Variants in SAMD11 observed in about 807,000 individuals in gnomAD.
The protein encoded by SAMD11 is sterile alpha motif domain containing 11.
Under a neutral mutation model 64.4 loss-of-function variants are expected in SAMD11, and 77 were observed. That is an observed-to-expected ratio of 1.20 (90% CI 0.99 to 1.44). The LOEUF is 1.44. Among genes scored for constraint, SAMD11 ranks in the 40% most tolerant of loss-of-function variants. The pLI, the probability that SAMD11 is intolerant of heterozygous loss-of-function variation, is 0.00. For synonymous variants in SAMD11, 658 were observed against 421.9 expected, an observed-to-expected ratio of 1.56 and a Z score of -6.86; for missense variants, 1,402 against 943.3, an observed-to-expected ratio of 1.49 and a Z score of -6.37.
rs914148908 is a variant in SAMD11 at position 944,292 on chromosome 1, G to A, written c.*139G>A. On this transcript the variant is annotated 3_prime_UTR_variant, in exon 14 of 14. Transcript: ENST00000616016. ...TTTAAAAGAAAATGTGACTTCAAAGGAAAGGAACAAATTTTCAAAGACTTG... is the reference window on the plus strand; with the variant it reads ...TTTAAAAGAAAATGTGACTTCAAAGAAAAGGAACAAATTTTCAAAGACTTG... 2.5e-5 allele frequency: 36 copies of A among 1,417,022 alleles called. No individual in the cohort carries two copies. The Admixed American group carries it at 6.3e-4, about 25-fold the overall frequency. 87.8% of individuals were successfully genotyped at this position (1,417,022 alleles called of 1,614,324 possible). A position where few individuals can be genotyped will look rare whatever the true frequency, so the allele number is the denominator to read the frequency against.
At position 943,071 on chromosome 1, in the gene SAMD11, A is replaced by G. The variant is rs1365735023; in HGVS notation, c.2053+13A>G. On this transcript the variant is annotated intron_variant, in intron 11 of 13. Transcript: ENST00000616016. ...TACTTCCACACAGGTGGGCACCCCC[A>G]CACTCTAGATCCTTCCAGAGGGCAC... The G allele has an allele frequency of 2.6e-6, 4 of 1,536,994 alleles. No individual in the cohort carries two copies. Among genetic ancestry groups the G allele is most frequent in the Non-Finnish European group, 3.5e-6 (4 of 1,142,580 alleles).
At chr1:937,288 G>C (rs936952195) in intron 5 of SAMD11, among the ~76,000 whole-genome samples, 1 of 152,100 alleles carries the variant, frequency 6.6e-6, no homozygotes, top group Admixed American at 6.5e-5. Flanking sequence ...GAGGGACTCA[G>C]AGCAGGTCCT....
At chr1:939,250 T>G in intron 6 of SAMD11, 25 bp from the exon 7 acceptor site, 2 of 1,573,258 alleles carry the variant, frequency 1.3e-6, no homozygotes, top group Non-Finnish European at 1.7e-6. Flanking sequence ...TGGAGAAACC[T>G]CTCACCCCGG....
In SAMD11 at chr1:934,049, G is replaced by C. The variant is rs372275613; in HGVS notation, c.843-1723G>C. ...TTACAGGTGGGCAGGGGAGGCGGCT[G>C]CGTTACAGGTGGGCAGGGGAGGCGG... On this transcript the variant is annotated intron_variant, in intron 4 of 13. Transcript: ENST00000616016. Among the ~76,000 whole-genome samples the C allele has an allele frequency of 2.4e-3, 145 of 61,536 alleles. 25 individuals are homozygous for C. The highest frequency in any genetic ancestry group is 0.016 in the African/African-American group (116 of 7,234). The allele number at this position is 61,536 out of a possible 152,430, so 40.4% of individuals were successfully genotyped here. A position where few individuals can be genotyped will look rare whatever the true frequency, so the allele number is the denominator to read the frequency against.
At position 942,599 on chromosome 1, in the gene SAMD11, G is replaced by C. The variant is rs2100358995; in HGVS notation, c.1594G>C (p.Glu532Gln). 1 of 1,435,910 alleles carries C rather than the reference G, an allele frequency of 7.0e-7. No homozygotes were observed. Among genetic ancestry groups the C allele is most frequent in the Admixed American group, 2.9e-5 (1 of 34,310 alleles). 88.9% of individuals were successfully genotyped at this position (1,435,910 alleles called of 1,614,324 possible). Reference protein sequence around the residue: ...PADLLRQKELESARPQLLAPE... With the variant: ...PADLLRQKELQSARPQLLAPE... The stretch of plus-strand genomic sequence containing the variant: ...CGACCTCCTGCGGCAGAAGGAGCTG[G>C]AGAGCGCGCGCCCACAGCTGCTGGC... Residue 532 changes from glutamate (E) to glutamine (Q), a missense_variant, in exon 11 of 14, where the codon GAG becomes CAG. By Grantham distance (29) the Glu-to-Gln change is conservative (BLOSUM62 2). Coordinates refer to ENST00000616016, the MANE Select transcript of SAMD11 (RefSeq NM_001385641.1).
intron 5 of SAMD11, among the ~76,000 whole-genome samples, chr1:938,506 A>AT (rs2100340722): frequency 6.6e-6 from 1 of 152,200 alleles, no homozygotes; most frequent in Non-Finnish European, 1.5e-5. Flanking sequence ...AGGGATGGGT[A>AT]TGACCAAGTA....
At chr1:937,848 T>C (rs1022616024) in intron 5 of SAMD11, among the ~76,000 whole-genome samples, 1 of 152,238 alleles carries the variant, frequency 6.6e-6, no homozygotes. Context: ...TCAGCTGTAA[T>C]GTGGGATTGA....
intron 4 of SAMD11, among the ~76,000 whole-genome samples, chr1:932,739 C>T (rs1416177487): frequency 1.3e-5 from 2 of 152,380 alleles, no homozygotes; most frequent in Non-Finnish European, 1.5e-5. Flanking sequence ...GTCCGTCTGT[C>T]CTTCCATCCC....
chr1:937,357 C>T (rs1641509888), intron 5 of SAMD11, among the ~76,000 whole-genome samples: 1 of 151,948 alleles, frequency 6.6e-6, no homozygotes, highest in Non-Finnish European at 1.5e-5. Flanking sequence ...ATGGCCTCAT[C>T]GGCCTTCCTG....
chr1:929,171 C>G (rs867443357), intron 2 of SAMD11, among the ~76,000 whole-genome samples: 2 of 152,348 alleles, frequency 1.3e-5, no homozygotes, highest in Middle Eastern at 6.8e-3. Context: ...GCTGGGCCGG[C>G]GCTGGTGTGC....
In SAMD11 at chr1:930,214, G is replaced by A; in HGVS notation, c.669G>A (p.Lys223=). Reference sequence around the variant, plus strand: ...CCCTGCCTGCCGCCCGGAACCTGAAGAAGGAGCGAACTCCCAGCTTCTCTG... The same window carrying A: ...CCCTGCCTGCCGCCCGGAACCTGAAAAAGGAGCGAACTCCCAGCTTCTCTG... ...TVALPAARNL[K]KERTPSFSAS... is the part of the protein sequence containing the mutation. The change falls in exon 3 of 14, where the codon AAG becomes AAA. Residue 223 remains lysine (K), a synonymous_variant. Transcript: ENST00000616016. 3 of 1,582,506 alleles carry A rather than the reference G, an allele frequency of 1.9e-6. No homozygotes were observed. Among genetic ancestry groups the A allele is most frequent in the East Asian group, 2.3e-5 (1 of 43,338 alleles).
At chr1:936,223 G>A (rs931121346) in intron 5 of SAMD11, among the ~76,000 whole-genome samples, 1 of 152,158 alleles carries the variant, frequency 6.6e-6, no homozygotes, top group Admixed American at 6.5e-5. Context: ...CTCCCGCAGC[G>A]CACGCATGAC....
At chr1:926,647 G>T (rs150020922) in intron 2 of SAMD11, among the ~76,000 whole-genome samples, 52 of 152,322 alleles carry the variant, frequency 3.4e-4, no homozygotes, top group African/African-American at 1.2e-3. Flanking sequence ...CCCTCACTGA[G>T]GGAGCAGGCA....
intron 2 of SAMD11, among the ~76,000 whole-genome samples, chr1:926,805 A>C (rs1411454230): frequency 6.6e-6 from 1 of 152,122 alleles, no homozygotes; most frequent in African/African-American, 2.4e-5. Context: ...GTTTGGAGCC[A>C]ATTAGGGCCA....
At chr1:936,084 G>A (rs533570871) in intron 5 of SAMD11, among the ~76,000 whole-genome samples, 188 bp downstream of exon 5, 4 of 152,344 alleles carry the variant, frequency 2.6e-5, no homozygotes, top group Non-Finnish European at 4.4e-5. Context: ...AGGCAGAGGC[G>A]GTGGCTCCGC....
intron 2 of SAMD11, among the ~76,000 whole-genome samples, chr1:928,315 C>A (rs1226785168): frequency 4.6e-5 from 7 of 152,198 alleles, no homozygotes; most frequent in Non-Finnish European, 1.0e-4. Context: ...TGGCATGAAC[C>A]CGGGAGGCGG....
At chr1:937,496 T>C (rs565830511) in intron 5 of SAMD11, among the ~76,000 whole-genome samples, 1 of 149,550 alleles carries the variant, frequency 6.7e-6, no homozygotes, top group East Asian at 2.0e-4. Flanking sequence ...GGAAAAGTGA[T>C]TGCCAGGAGG....
At position 924,103 on chromosome 1, in the gene SAMD11, C is replaced by A. The variant is rs1001416493; in HGVS notation, c.-329C>A. The stretch of plus-strand genomic sequence containing the variant: ...GGTCGGCGAGCCGGGCGTGGGACTG[C>A]CCCGGGCGCGGGCGCTGGTGGCCGG... On this transcript the variant is annotated 5_prime_UTR_variant, in exon 1 of 14. Coordinates refer to ENST00000616016, the MANE Select transcript of SAMD11 (RefSeq NM_001385641.1). 1 of 149,666 alleles carries A rather than the reference C, an allele frequency of 6.7e-6. No homozygotes were observed. The highest frequency in any genetic ancestry group is 1.5e-5 in the Non-Finnish European group (1 of 67,050). The allele number at this position is 149,666 out of a possible 1,614,324, so 9.3% of individuals were successfully genotyped here. A position where few individuals can be genotyped will look rare whatever the true frequency, so the allele number is the denominator to read the frequency against.
rs149846233 is a variant in SAMD11, at chr1:943,991, G to T, written c.2373G>T (p.Pro791=). 4 of 1,612,722 alleles carry T rather than the reference G, an allele frequency of 2.5e-6. No homozygotes were observed. Among genetic ancestry groups the T allele is most frequent in the Non-Finnish European group, 3.4e-6 (4 of 1,179,990 alleles). The change falls in exon 14 of 14, where the codon CCG becomes CCT. Residue 791 remains proline (P), a synonymous_variant. Coordinates refer to ENST00000616016, the MANE Select transcript of SAMD11 (RefSeq NM_001385641.1). ...LPLQPPTLRA[P]ERELGTGEQP... is the part of the protein sequence containing the mutation. ...TGCAGCCACCAACCCTGCGGGCCCC[G>T]GAGCGAGAACTCGGCACAGGAGAGC...
Sources: gnomAD v4.1 joint callset for allele counts (sites outside exome capture counted in the v4.1 genomes callset) on GRCh38, gnomAD v4.1.1 for gene constraint, MANE v1.5 for transcripts, NCBI Gene and HGNC (gene_info 2026-07-23, HGNC 2026-07-21) for gene names.